Variants in OTUD7B observed in about 807,000 individuals in gnomAD.
The protein encoded by OTUD7B is OTU deubiquitinase 7B.
OTUD7B carries 34 observed loss-of-function variants against 82.2 expected under a neutral mutation model. That is an observed-to-expected ratio of 0.41 (90% confidence interval 0.31 to 0.55). The LOEUF is 0.55. Among genes scored for constraint, OTUD7B ranks in the 20% least tolerant of loss-of-function variants. The pLI is 0.20. For synonymous variants in OTUD7B, 398 were observed against 402.7 expected (o/e 0.99, Z 0.14); for missense variants, 944 against 1,062.1 (o/e 0.89, Z 1.55).
At chr1:150,025,162 C>T in the OTUD7B span, among the ~76,000 whole-genome samples, 2 of 152,114 alleles carry the variant, frequency 1.3e-5, no homozygotes, top group South Asian at 2.1e-4. Flanking sequence ...TGCCTCATGC[C>T]TGTAATCCCA....
chr1:150,006,209 G>A (rs1261252610), intron 1 of OTUD7B, among the ~76,000 whole-genome samples: 1 of 152,174 alleles, frequency 6.6e-6, no homozygotes, highest in Non-Finnish European at 1.5e-5. Flanking sequence ...TGTAATCCCA[G>A]CACTTTGGGA....
chr1:150,060,840 T>C, the OTUD7B span, among the ~76,000 whole-genome samples: 1 of 152,348 alleles, frequency 6.6e-6, no homozygotes, highest in East Asian at 1.9e-4. Context: ...CCCAGTGGCA[T>C]CCCACTTGCT....
the OTUD7B span, among the ~76,000 whole-genome samples, chr1:150,057,610 G>GT: frequency 6.6e-6 from 1 of 152,144 alleles, no homozygotes. Flanking sequence ...TCTTGTATTT[G>GT]TAAGTAGTAA....
chr1:149,983,260 A>T (rs1371115735), intron 1 of OTUD7B, among the ~76,000 whole-genome samples: 1 of 152,126 alleles, frequency 6.6e-6, no homozygotes, highest in Non-Finnish European at 1.5e-5. Flanking sequence ...GTGAGGCACT[A>T]TGCTCATGAG....
chr1:149,970,204 T>C (rs587686017), intron 3 of OTUD7B, among the ~76,000 whole-genome samples: 2 of 104,996 alleles, frequency 1.9e-5, no homozygotes, highest in East Asian at 2.8e-4. Context: ...CCAAGTCAGA[T>C]GGATTGCCTC....
At chr1:149,946,547 G>C (rs1322778304) in intron 11 of OTUD7B, among the ~76,000 whole-genome samples, 10 of 151,700 alleles carry the variant, frequency 6.6e-5, no homozygotes, top group Non-Finnish European at 4.4e-5. Flanking sequence ...TTCGAGACTA[G>C]CCTGGCCAAC....
the OTUD7B span, among the ~76,000 whole-genome samples, chr1:150,031,122 A>T: frequency 6.6e-6 from 1 of 152,018 alleles, no homozygotes; most frequent in African/African-American, 2.4e-5. Flanking sequence ...TTTTCATTGT[A>T]TTCTTGATTG....
the OTUD7B span, among the ~76,000 whole-genome samples, chr1:150,052,632 A>C: frequency 1.3e-5 from 2 of 152,150 alleles, no homozygotes; most frequent in African/African-American, 4.8e-5. Context: ...CTATCAAACT[A>C]CCAATAACAT....
intron 1 of OTUD7B, among the ~76,000 whole-genome samples, chr1:150,003,642 C>T (rs782778560): frequency 6.6e-6 from 1 of 152,216 alleles, no homozygotes; most frequent in Non-Finnish European, 1.5e-5. Context: ...ATACGCTCCT[C>T]GTGGGTTCCT....
At chr1:149,949,542 G>T in intron 9 of OTUD7B, 87 bp downstream of exon 9, 2 of 1,370,132 alleles carry the variant, frequency 1.5e-6, no homozygotes, top group East Asian at 2.3e-5. Context: ...GGGCTTGCAT[G>T]TCACTTAATT....
At chr1:150,027,620 A>G in the OTUD7B span, among the ~76,000 whole-genome samples, 1 of 152,240 alleles carries the variant, frequency 6.6e-6, no homozygotes, top group East Asian at 1.9e-4. Flanking sequence ...AAGATAATCA[A>G]TGGCACAAAA....
chr1:150,033,684 CTAA>C, the OTUD7B span, among the ~76,000 whole-genome samples: 1 of 152,248 alleles, frequency 6.6e-6, no homozygotes, highest in Middle Eastern at 3.4e-3. Flanking sequence ...ACAATACATA[CTAA>C]TATTATGACA....
the OTUD7B span, among the ~76,000 whole-genome samples, chr1:150,022,678 C>T: frequency 6.6e-6 from 1 of 152,176 alleles, no homozygotes; most frequent in Non-Finnish European, 1.5e-5. Flanking sequence ...GTCTCTAAAA[C>T]AGGCTTCTGC....
rs782183416 is a variant in OTUD7B, at chr1:149,944,639, C to T, written c.1750G>A (p.Gly584Arg). The change falls in exon 12 of 12, where the codon GGA (glycine) becomes AGA (arginine). Residue 584 changes from glycine to arginine, a missense_variant. Gly to Arg is a moderately radical substitution (Grantham distance 125). Around this residue, in one of 3 missense-constraint regions of OTUD7B, gnomAD observed 412 missense variants for 418.7 expected, o/e 0.98. Transcript: ENST00000581312. ...EKPPAESVGN[G>R]GSKYSQEVMQ... ...ACCTCCTGGCTATACTTGCTCCCTC[C>T]GTTACCAACAGACTCAGCTGGGGGC... The T allele has an allele frequency of 2.7e-5, 43 of 1,613,936 alleles. No homozygotes were observed. The highest frequency in any genetic ancestry group is 1.6e-4 in the Middle Eastern group (1 of 6,084).
At position 149,939,039 on chromosome 1, in the gene OTUD7B, G is replaced by GT. The variant is rs1553769868; in HGVS notation, c.*4817dup. 6.6e-6 allele frequency: 1 copy of GT among 152,272 alleles called. No homozygotes were observed. The highest frequency in any genetic ancestry group is 2.1e-4 in the South Asian group (1 of 4,820). The allele number at this position is 152,272 out of a possible 1,614,324, so 9.4% of individuals were successfully genotyped here. A position where few individuals can be genotyped will look rare whatever the true frequency, so the allele number is the denominator to read the frequency against. On this transcript the variant is annotated 3_prime_UTR_variant, in exon 12 of 12. Coordinates refer to ENST00000581312, the MANE Select transcript of OTUD7B (RefSeq NM_020205.4). ...GGAATGGAGTGGGCAGGAGCTGAGG[G>GT]TTAAGGCTGCCTCTCACCACCCCAC...
At chr1:150,044,963 T>G in the OTUD7B span, among the ~76,000 whole-genome samples, 1 of 152,236 alleles carries the variant, frequency 6.6e-6, no homozygotes, top group East Asian at 1.9e-4. Flanking sequence ...TCTATATACT[T>G]GTTATAGCCA....
intron 7 of OTUD7B, among the ~76,000 whole-genome samples, chr1:149,957,181 T>G (rs1184448796): frequency 1.3e-5 from 2 of 151,802 alleles, no homozygotes; most frequent in African/African-American, 4.9e-5. Flanking sequence ...TTATCTACCT[T>G]TGGTCTTTGA....
intron 1 of OTUD7B, among the ~76,000 whole-genome samples, chr1:149,990,985 C>A (rs1571707631): frequency 5.1e-5 from 2 of 39,096 alleles, no homozygotes; most frequent in East Asian, 1.5e-3. Context: ...GAGCGAAACT[C>A]CGTCGCAAAA....
rs782494303 is a variant in OTUD7B, at chr1:149,959,814, A to G, written c.733-18T>C. The stretch of plus-strand genomic sequence containing the variant: ...AGCCCTGACTGTGTGAAGGACAGGC[A>G]GGGGACATTGGGCAATTAGAGGCTG... On this transcript the variant is annotated intron_variant, in intron 6 of 11. Coordinates refer to ENST00000581312, the MANE Select transcript of OTUD7B (RefSeq NM_020205.4). 6.4e-7 allele frequency: 1 copy of G among 1,552,708 alleles called. No individual in the cohort carries two copies. Among genetic ancestry groups the G allele is most frequent in the Admixed American group, 1.7e-5 (1 of 59,916 alleles).
Sources: gnomAD v4.1 joint callset for allele counts (sites outside exome capture counted in the v4.1 genomes callset) on GRCh38, gnomAD v4.1.1 for gene constraint, gnomAD v4.1.1 regional missense constraint, MANE v1.5 for transcripts, NCBI Gene and HGNC (gene_info 2026-07-23, HGNC 2026-07-21) for gene names.